The following PDHX variants were observed in gnomAD, a reference collection of about 807,000 sequenced individuals.
PDHX encodes the protein pyruvate dehydrogenase complex component X.
Under a neutral mutation model 55.3 loss-of-function variants are expected in PDHX, and 33 were observed. The ratio of observed to expected loss-of-function variants is 0.60; its 90% confidence interval spans 0.45 to 0.80. The LOEUF (loss-of-function observed/expected upper bound fraction) is 0.80, where lower values mean the gene tolerates loss of function less well. Ranked by LOEUF, PDHX falls within the 30% of genes least tolerant of loss-of-function variation. PDHX has a pLI of 0.00. For missense variants in PDHX, 622 were observed against 619.9 expected (o/e 1.00, Z -0.04); for synonymous variants, 226 against 219.4 (o/e 1.03, Z -0.27).
chr11:34,991,539 C>G (rs1855757865), intron 9 of PDHX, among the ~76,000 whole-genome samples: 1 of 152,056 alleles, frequency 6.6e-6, no homozygotes, highest in Admixed American at 6.6e-5. Context: ...GAAGCAAACT[C>G]TGAAAGATAA....
intron 1 of PDHX, among the ~76,000 whole-genome samples, chr11:34,929,793 C>T (rs374078419): frequency 2.0e-5 from 3 of 152,276 alleles, no homozygotes; most frequent in East Asian, 3.9e-4. Context: ...TTGGTTTGGG[C>T]TGTGTCATTT....
chr11:34,962,075 A>G (rs1855030846), intron 5 of PDHX, among the ~76,000 whole-genome samples: 1 of 152,242 alleles, frequency 6.6e-6, no homozygotes, highest in South Asian at 2.1e-4. Flanking sequence ...CTTGCTCATA[A>G]TTCTGAGGAT....
At chr11:34,970,718 C>CATGA in intron 7 of PDHX, among the ~76,000 whole-genome samples, 1 of 152,158 alleles carries the variant, frequency 6.6e-6, no homozygotes, top group East Asian at 1.9e-4. Context: ...TGAGTGCCAA[C>CATGA]ATGAAGCTCA....
At chr11:34,923,546 T>C (rs1187308119) in intron 1 of PDHX, among the ~76,000 whole-genome samples, 2 of 152,152 alleles carry the variant, frequency 1.3e-5, no homozygotes, top group Non-Finnish European at 2.9e-5. Flanking sequence ...AACATTTTGG[T>C]CATTTCCTAG....
At chr11:34,991,177 A>G (rs1244893332) in intron 9 of PDHX, among the ~76,000 whole-genome samples, 2 of 152,200 alleles carry the variant, frequency 1.3e-5, no homozygotes, top group Non-Finnish European at 2.9e-5. Context: ...CGCTGTGGTC[A>G]AGAGTGATAT....
intron 3 of PDHX, among the ~76,000 whole-genome samples, chr11:34,948,599 T>C (rs1478592387): frequency 3.3e-5 from 5 of 150,222 alleles, no homozygotes; most frequent in Admixed American, 6.7e-5. Context: ...TAGCCACTTA[T>C]GTTGTATTTT....
intron 9 of PDHX, among the ~76,000 whole-genome samples, chr11:34,987,499 A>ATG (rs1031454761): frequency 9.9e-5 from 15 of 151,844 alleles, no homozygotes; most frequent in South Asian, 2.1e-4. Flanking sequence ...AAGAAAGTTT[A>ATG]TGTGTGTGTG....
chr11:34,918,047 TAGGAAGAGTGCTCTTAATCTTGTTTATCA>T (rs1853778647), intron 1 of PDHX, among the ~76,000 whole-genome samples: 1 of 152,186 alleles, frequency 6.6e-6, no homozygotes, highest in Non-Finnish European at 1.5e-5. Flanking sequence ...GGATATAATC[TAGGAAGAGTGCTCTTAATCTTGTTTATCA>T]AGCAGATCCT....
chr11:34,941,955 T>C (rs1197085793), intron 2 of PDHX: 2 of 153,212 alleles, frequency 1.3e-5, no homozygotes, highest in Non-Finnish European at 2.9e-5. Context: ...CACGAGAAGA[T>C]GGTGCAGGAA....
chr11:34,932,098 C>T (rs142154669), intron 2 of PDHX, among the ~76,000 whole-genome samples: 2 of 151,996 alleles, frequency 1.3e-5, no homozygotes, highest in East Asian at 3.9e-4. Flanking sequence ...TAAAGGAAGA[C>T]AATATTAGAT....
In PDHX at chr11:34,928,445, T is replaced by G. The variant is rs868437011; in HGVS notation, c.161-2959T>G. 3.9e-3 allele frequency among the ~76,000 whole-genome samples: 596 copies of G among 151,690 alleles called. 6 individuals carry two copies. The highest frequency in any genetic ancestry group is 0.014 in the African/African-American group (576 of 41,294). ...GTGGTGCTATTTAAAAGATAAGAGT[T>G]TTTTTTTGCCCACCCCCCTCCTTTT... On this transcript the variant is annotated intron_variant, in intron 1 of 10. Coordinates refer to ENST00000227868, the MANE Select transcript of PDHX (RefSeq NM_003477.3).
At chr11:34,937,352 A>G (rs1854355549) in intron 2 of PDHX, among the ~76,000 whole-genome samples, 1 of 152,140 alleles carries the variant, frequency 6.6e-6, no homozygotes, top group African/African-American at 2.4e-5. Context: ...AGAGAAAGGA[A>G]ATCACCAAGT....
At chr11:34,916,138 G>C, upstream of PDHX, 2 of 1,512,328 alleles carry the variant, frequency 1.3e-6, no homozygotes, top group Non-Finnish European at 1.8e-6. Flanking sequence ...CTAAACGCCC[G>C]GCCCGCTACC....
At chr11:34,935,550 T>C (rs1215810467) in intron 2 of PDHX, among the ~76,000 whole-genome samples, 3 of 152,204 alleles carry the variant, frequency 2.0e-5, no homozygotes, top group Non-Finnish European at 4.4e-5. Flanking sequence ...CCTCCAGGTA[T>C]TGGCCACTGG....
At chr11:34,943,189 A>G (rs955845065) in intron 2 of PDHX, among the ~76,000 whole-genome samples, 10 of 152,188 alleles carry the variant, frequency 6.6e-5, no homozygotes, top group African/African-American at 1.9e-4. Context: ...TAGTCTAGTA[A>G]ATAGAGGAAA....
intron 6 of PDHX, 147 bp downstream of exon 6, chr11:34,966,961 C>CTCCA: frequency 1.4e-6 from 1 of 711,846 alleles, no homozygotes; most frequent in Non-Finnish European, 2.4e-6. Context: ...AAGTGATTCT[C>CTCCA]CTGCCTTAGC....
At chr11:34,976,241 G>A (rs1855368917) in intron 7 of PDHX, among the ~76,000 whole-genome samples, 1 of 152,098 alleles carries the variant, frequency 6.6e-6, no homozygotes, top group Admixed American at 6.6e-5. Flanking sequence ...CTCATATAAA[G>A]TTACAATACA....
In PDHX at chr11:34,970,288, T is replaced by A. The variant is rs1855230998; in HGVS notation, c.964+2T>A. Reference sequence around the variant, plus strand: ...AAGTTAGGCAAGATCTGGTCAAAGGTTAGTAAAATTGAATTTACTTAATAC... The same window carrying A: ...AAGTTAGGCAAGATCTGGTCAAAGGATAGTAAAATTGAATTTACTTAATAC... On this transcript the variant is annotated splice_donor_variant, in intron 7 of 10. Transcript: ENST00000227868. LOFTEE classifies it high-confidence loss of function. 3 of 1,611,768 alleles carry A rather than the reference T, an allele frequency of 1.9e-6. No homozygotes were observed. The highest frequency in any genetic ancestry group is 2.5e-6 in the Non-Finnish European group (3 of 1,178,082).
chr11:34,952,284 C>T (rs1854792941), intron 3 of PDHX, among the ~76,000 whole-genome samples: 1 of 151,922 alleles, frequency 6.6e-6, no homozygotes, highest in Non-Finnish European at 1.5e-5. Context: ...GGTACCATTC[C>T]TTCTGAAACT....
Sources: gnomAD v4.1 joint callset for allele counts (sites outside exome capture counted in the v4.1 genomes callset) on GRCh38, gnomAD v4.1.1 for gene constraint, MANE v1.5 for transcripts, NCBI Gene and HGNC (gene_info 2026-07-23, HGNC 2026-07-21) for gene names.